SH3GL2: variants seen among roughly 807,000 people sequenced by gnomAD.
SH3GL2 encodes the protein endophilin-A1.
In SH3GL2, 24 loss-of-function variants were observed where a neutral mutation model predicts 46.0. That is an observed-to-expected ratio of 0.52 (90% CI 0.38 to 0.73). SH3GL2 has a LOEUF of 0.73. SH3GL2 is among the 30% of genes least tolerant of loss of function. The pLI is 0.00. For synonymous variants in SH3GL2, 196 were observed against 147.1 expected, an observed-to-expected ratio of 1.33 and a Z score of -2.40; for missense variants, 413 against 424.2, an observed-to-expected ratio of 0.97 and a Z score of 0.23.
chr9:17,620,512 G>T (rs1285353305), intron 1 of SH3GL2, among the ~76,000 whole-genome samples: 2 of 152,104 alleles, frequency 1.3e-5, no homozygotes, highest in Non-Finnish European at 2.9e-5. Context: ...TAATGGGCTC[G>T]CAGACATGCA....
chr9:17,585,216 G>C (rs1042848200), intron 1 of SH3GL2, among the ~76,000 whole-genome samples: 3 of 152,122 alleles, frequency 2.0e-5, no homozygotes, highest in Admixed American at 2.0e-4. Context: ...AGAAGGGCAG[G>C]ACACACTGAC....
intron 3 of SH3GL2, among the ~76,000 whole-genome samples, chr9:17,769,805 A>C (rs1823420472): frequency 1.3e-5 from 2 of 152,204 alleles, no homozygotes; most frequent in African/African-American, 4.8e-5. Flanking sequence ...GAAGGGTAGA[A>C]TCTTGTCTGT....
intron 1 of SH3GL2, among the ~76,000 whole-genome samples, chr9:17,593,533 T>C (rs902444562): frequency 1.2e-4 from 19 of 152,168 alleles, no homozygotes; most frequent in African/African-American, 4.6e-4. Flanking sequence ...GTGTTTGTTT[T>C]TTTCCTACAT....
intron 1 of SH3GL2, among the ~76,000 whole-genome samples, chr9:17,715,074 A>G (rs1821716852): frequency 2.6e-5 from 4 of 151,592 alleles, no homozygotes; most frequent in Admixed American, 2.6e-4. Context: ...TTTGTATTGC[A>G]TATGCAGTAT....
intron 1 of SH3GL2, among the ~76,000 whole-genome samples, chr9:17,695,543 G>C (rs574252906): frequency 6.6e-6 from 1 of 152,220 alleles, no homozygotes; most frequent in South Asian, 2.1e-4. Context: ...ATACTCCTCA[G>C]ATGGCAACTT....
chr9:17,650,357 C>T lies in SH3GL2; in HGVS notation c.45+71070C>T, dbSNP rs911482360. Among the ~76,000 whole-genome samples, 5 of 151,914 alleles carry T rather than the reference C, an allele frequency of 3.3e-5. 1 individual carries two copies. The highest frequency in any genetic ancestry group is 3.9e-4 in the East Asian group (2 of 5,156). On this transcript the variant is annotated intron_variant, in intron 1 of 8. Coordinates refer to ENST00000380607, the MANE Select transcript of SH3GL2 (RefSeq NM_003026.5). The stretch of plus-strand genomic sequence containing the variant: ...GTTGAAGATTATTTGAGGTGATATC[C>T]ACTTGAAGTTTTTTTGTTTGTTTGT...
intron 1 of SH3GL2, among the ~76,000 whole-genome samples, chr9:17,661,652 TAAAAC>T (rs957633735): frequency 2.6e-5 from 4 of 152,170 alleles, no homozygotes; most frequent in Non-Finnish European, 4.4e-5. Context: ...ACTACATAAA[TAAAAC>T]AAAACATGCC....
At chr9:17,762,436 A>G (rs1282768901) in intron 3 of SH3GL2, among the ~76,000 whole-genome samples, 2 of 150,316 alleles carry the variant, frequency 1.3e-5, no homozygotes, top group African/African-American at 2.4e-5. Flanking sequence ...GTGGGCTGAG[A>G]GGAAGCAGGT....
intron 1 of SH3GL2, among the ~76,000 whole-genome samples, chr9:17,699,955 A>G (rs181599516): frequency 9.2e-5 from 14 of 152,248 alleles, no homozygotes; most frequent in Non-Finnish European, 1.6e-4. Context: ...TTTGACCCCT[A>G]TTGCAAGTTT....
rs537419383 is a variant in SH3GL2 at position 17,705,007 on chromosome 9, A to G, written c.46-42059A>G. On this transcript the variant is annotated intron_variant, in intron 1 of 8. Transcript: ENST00000380607. ...ATATTTGCAAACTATGCATGCAACA[A>G]AGGTCTAATATCCAGAATTTATAAG... Among the ~76,000 whole-genome samples, 4 of 152,162 alleles carry G rather than the reference A, an allele frequency of 2.6e-5. No homozygotes were observed. In the East Asian group the frequency reaches 7.7e-4, roughly 29 times the overall value.
chr9:17,634,889 G>A (rs1379576660), intron 1 of SH3GL2, among the ~76,000 whole-genome samples: 3 of 152,306 alleles, frequency 2.0e-5, no homozygotes, highest in South Asian at 4.1e-4. Context: ...GCATTCTGAT[G>A]CTATAGTGTG....
chr9:17,769,297 G>A (rs1823404364), intron 3 of SH3GL2, among the ~76,000 whole-genome samples: 1 of 152,210 alleles, frequency 6.6e-6, no homozygotes, highest in African/African-American at 2.4e-5. Flanking sequence ...ACACTGCAAA[G>A]AGCCCAATTC....
intron 1 of SH3GL2, among the ~76,000 whole-genome samples, chr9:17,696,788 A>G (rs987017270): frequency 5.3e-5 from 8 of 152,172 alleles, no homozygotes; most frequent in Non-Finnish European, 5.9e-5. Context: ...ACCATATCAC[A>G]TAGCTTTGGA....
intron 1 of SH3GL2, among the ~76,000 whole-genome samples, chr9:17,630,704 A>C (rs779039771): frequency 6.6e-6 from 1 of 152,316 alleles, no homozygotes; most frequent in South Asian, 2.1e-4. Flanking sequence ...AATTACTGCT[A>C]CCTAACAGTT....
At chr9:17,609,458 G>T (rs144835249) in intron 1 of SH3GL2, among the ~76,000 whole-genome samples, 57 of 152,180 alleles carry the variant, frequency 3.7e-4, no homozygotes, top group African/African-American at 1.4e-3. Flanking sequence ...AGGTAGAATA[G>T]AGGCATGAAG....
intron 2 of SH3GL2, among the ~76,000 whole-genome samples, chr9:17,752,641 G>A (rs902977893): frequency 6.6e-6 from 1 of 152,032 alleles, no homozygotes. Context: ...AGGACTACCA[G>A]CACACACCAC....
intron 3 of SH3GL2, among the ~76,000 whole-genome samples, chr9:17,767,533 T>C (rs1348332098): frequency 6.6e-6 from 1 of 152,236 alleles, no homozygotes; most frequent in African/African-American, 2.4e-5. Context: ...CACAACACAC[T>C]GAATTTACTG....
intron 1 of SH3GL2, among the ~76,000 whole-genome samples, chr9:17,596,748 T>C (rs978642053): frequency 6.6e-6 from 1 of 152,192 alleles, no homozygotes; most frequent in African/African-American, 2.4e-5. Flanking sequence ...AAATAATATA[T>C]TCTTCTCAGC....
intron 1 of SH3GL2, among the ~76,000 whole-genome samples, chr9:17,734,661 C>G (rs189703730): frequency 6.6e-6 from 1 of 152,102 alleles, no homozygotes; most frequent in East Asian, 1.9e-4. Context: ...ACATGAGGAA[C>G]CTTGAAAACA....
Sources: gnomAD v4.1 joint callset for allele counts (sites outside exome capture counted in the v4.1 genomes callset) on GRCh38, gnomAD v4.1.1 for gene constraint, MANE v1.5 for transcripts, NCBI Gene and HGNC (gene_info 2026-07-23, HGNC 2026-07-21) for gene names.